STAT4: variants seen among roughly 807,000 people sequenced by gnomAD.
The protein encoded by STAT4 is signal transducer and activator of transcription 4.
A neutral mutation model predicts 110.5 loss-of-function variants in STAT4; 42 were observed. That is an observed-to-expected ratio of 0.38 (90% CI 0.30 to 0.49). STAT4 has a LOEUF of 0.49. Among genes scored for constraint, STAT4 ranks in the 20% least tolerant of loss-of-function variants. The pLI is 0.95. For missense variants in STAT4, 632 were observed against 887.9 expected, an observed-to-expected ratio of 0.71 and a Z score of 3.66; for synonymous variants, 284 against 302.2, an observed-to-expected ratio of 0.94 and a Z score of 0.63.
At chr2:191,120,906 C>A (rs551744736) in intron 3 of STAT4, among the ~76,000 whole-genome samples, 5 of 152,190 alleles carry the variant, frequency 3.3e-5, no homozygotes, top group African/African-American at 4.8e-5. Context: ...GCAACAAAAG[C>A]CAAAATTGAC....
chr2:191,105,707 T>C (rs1385253001), intron 3 of STAT4, among the ~76,000 whole-genome samples: 2 of 152,228 alleles, frequency 1.3e-5, no homozygotes, highest in East Asian at 3.8e-4. Context: ...TATTCCGTAG[T>C]TTTCACTTAA....
chr2:191,055,554 C>T (rs566137200), intron 13 of STAT4, among the ~76,000 whole-genome samples: 3 of 150,160 alleles, frequency 2.0e-5, no homozygotes, highest in South Asian at 4.2e-4. Context: ...GGGATTTCAC[C>T]GTGTTAGCCA....
At chr2:191,078,233 T>C (rs1368523066) in intron 3 of STAT4, among the ~76,000 whole-genome samples, 1 of 152,148 alleles carries the variant, frequency 6.6e-6, no homozygotes, top group Admixed American at 6.6e-5. Context: ...TTACCATTAT[T>C]TGCCTGTTTT....
intron 3 of STAT4, among the ~76,000 whole-genome samples, chr2:191,081,167 G>A (rs936937108): frequency 1.3e-5 from 2 of 152,168 alleles, no homozygotes; most frequent in East Asian, 3.9e-4. Flanking sequence ...CAAAGGACAT[G>A]AACTCATCCT....
rs11890877 is a variant in STAT4, at chr2:191,110,057, G to C, written c.274-33732C>G. Among the ~76,000 whole-genome samples the C allele has an allele frequency of 4.6e-3, 698 of 152,200 alleles. 6 individuals carry two copies. The highest frequency in any genetic ancestry group is 0.016 in the African/African-American group (645 of 41,516). ...AATATGAGTTGTCACCTCCCACCTA[G>C]GATCCAACCACTGCACCTTCCACAG... On this transcript the variant is annotated intron_variant, in intron 3 of 23. Coordinates refer to ENST00000392320, the MANE Select transcript of STAT4 (RefSeq NM_003151.4). The surrounding 1 kb of genome is among the most constrained non-coding windows in gnomAD (Gnocchi z 4.5).
intron 3 of STAT4, among the ~76,000 whole-genome samples, chr2:191,078,045 C>T (rs1020927835): frequency 6.6e-6 from 1 of 151,814 alleles, no homozygotes; most frequent in Non-Finnish European, 1.5e-5. Flanking sequence ...TTCAACTCTC[C>T]AAGAAAAGCT....
intron 3 of STAT4, among the ~76,000 whole-genome samples, chr2:191,101,672 G>C (rs1348475664): frequency 6.6e-6 from 1 of 152,044 alleles, no homozygotes; most frequent in Non-Finnish European, 1.5e-5. Context: ...ATGTGTTAAA[G>C]TGTCCTACTA....
chr2:191,084,463 C>T (rs143765027), intron 3 of STAT4, among the ~76,000 whole-genome samples: 678 of 151,724 alleles, frequency 4.5e-3, no homozygotes, highest in Non-Finnish European at 7.8e-3. Context: ...ATTGACATTA[C>T]AATTAATACA....
chr2:191,033,350 A>G lies in STAT4; in HGVS notation c.1852+140T>C, dbSNP rs1574692298. The G allele has an allele frequency of 8.5e-7, 1 of 1,179,720 alleles. No homozygotes were observed. 73.1% of individuals were successfully genotyped at this position (1,179,720 alleles called of 1,614,324 possible). A position where few individuals can be genotyped will look rare whatever the true frequency, so the allele number is the denominator to read the frequency against. ...GAATTCATAGGTACCCTGTTCTGAG[A>G]CAACTGCAACTACTAATATTCAAGC... On this transcript the variant is annotated intron_variant, in intron 20 of 23. Coordinates refer to ENST00000392320, the MANE Select transcript of STAT4 (RefSeq NM_003151.4). This position sits in a 1 kb window ranked among gnomAD's most constrained non-coding sequence, Gnocchi z 6.9.
In STAT4 at chr2:191,107,574, C is replaced by A. The variant is rs1698315444; in HGVS notation, c.274-31249G>T. ...TAATAAATCTGAGGCAGGGTTTTAA[C>A]CCCAGGTATCTGATCTGCAGACCCA... is the stretch of plus-strand genomic sequence containing the variant. On this transcript the variant is annotated intron_variant, in intron 3 of 23. Coordinates refer to ENST00000392320, the MANE Select transcript of STAT4 (RefSeq NM_003151.4). This position sits in a 1 kb window ranked among gnomAD's most constrained non-coding sequence, Gnocchi z 4.2. 1.3e-5 allele frequency among the ~76,000 whole-genome samples: 2 copies of A among 152,176 alleles called. No individual in the cohort carries two copies. The highest frequency in any genetic ancestry group is 4.1e-4 in the South Asian group (2 of 4,828).
intron 3 of STAT4, among the ~76,000 whole-genome samples, chr2:191,093,752 C>T (rs1351885209): frequency 6.6e-6 from 1 of 152,142 alleles, no homozygotes; most frequent in South Asian, 2.1e-4. Context: ...GACGAGCTGA[C>T]AGAAGTAGGC....
Position 191,051,642 on chromosome 2 carries a change from G to A in STAT4, c.1251+2848C>T, listed in dbSNP as rs1314857433. Among the ~76,000 whole-genome samples the A allele has an allele frequency of 6.6e-6, 1 of 152,196 alleles. No homozygotes were observed. The highest frequency in any genetic ancestry group is 2.1e-4 in the South Asian group (1 of 4,832). ...TATGGTGTGAGACAGACATGATTTC[G>A]GAGCAGGTGGGTGAGGTGCAGACAC... is the stretch of plus-strand genomic sequence containing the variant. On this transcript the variant is annotated intron_variant, in intron 14 of 23. Transcript: ENST00000392320. The surrounding 1 kb of genome is among the most constrained non-coding windows in gnomAD (Gnocchi z 5.6).
At position 191,082,354 on chromosome 2, in the gene STAT4, T is replaced by G. The variant is rs1249523648; in HGVS notation, c.274-6029A>C. 1.3e-5 allele frequency among the ~76,000 whole-genome samples: 2 copies of G among 152,206 alleles called. No homozygotes were observed. Among genetic ancestry groups the G allele is most frequent in the Non-Finnish European group, 2.9e-5 (2 of 68,024 alleles). ...ATAACTATTTGTTTGAATCCTAAAT[T>G]ATAGTGTTATATTTTGATGACATTT... is the stretch of plus-strand genomic sequence containing the variant. On this transcript the variant is annotated intron_variant, in intron 3 of 23. Coordinates refer to ENST00000392320, the MANE Select transcript of STAT4 (RefSeq NM_003151.4). The surrounding 1 kb of genome is among the most constrained non-coding windows in gnomAD (Gnocchi z 4.7).
At chr2:191,063,169 A>G (rs1696896638) in intron 8 of STAT4, among the ~76,000 whole-genome samples, 1 of 152,154 alleles carries the variant, frequency 6.6e-6, no homozygotes, top group African/African-American at 2.4e-5. Flanking sequence ...TATATATGTC[A>G]TCATTTATGA....
intron 3 of STAT4, among the ~76,000 whole-genome samples, chr2:191,094,248 G>A (rs556903979): frequency 6.6e-6 from 1 of 152,294 alleles, no homozygotes; most frequent in South Asian, 2.1e-4. Flanking sequence ...ACGCCACAAA[G>A]ATACTCCTTG....
intron 3 of STAT4, among the ~76,000 whole-genome samples, chr2:191,137,772 A>G (rs1342263916): frequency 2.6e-5 from 4 of 152,312 alleles, no homozygotes; most frequent in African/African-American, 9.6e-5. Context: ...TCGGGCAAAA[A>G]CATCCTCTTC....
At chr2:191,123,420 C>T (rs1462190085) in intron 3 of STAT4, among the ~76,000 whole-genome samples, 1 of 152,142 alleles carries the variant, frequency 6.6e-6, no homozygotes, top group Non-Finnish European at 1.5e-5. Context: ...TGTCTCCCTC[C>T]TTCTGCTAAA....
At chr2:191,038,003 A>T (rs1696088225) in intron 16 of STAT4, among the ~76,000 whole-genome samples, 1 of 152,168 alleles carries the variant, frequency 6.6e-6, no homozygotes, top group African/African-American at 2.4e-5. Context: ...GAGCCATGTA[A>T]ATTTGGGATG....
rs1696077398 is a variant in STAT4 at position 191,037,534 on chromosome 2, C to T, written c.1435-1235G>A. 6.6e-6 allele frequency among the ~76,000 whole-genome samples: 1 copy of T among 152,144 alleles called. No individual in the cohort carries two copies. The highest frequency in any genetic ancestry group is 2.4e-5 in the African/African-American group (1 of 41,430). Reference sequence around the variant, plus strand: ...GTCAACAATAGTGAAACATAAGACTCTGTCCCAGATTACTGGAAAACAGAT... The same window carrying T: ...GTCAACAATAGTGAAACATAAGACTTTGTCCCAGATTACTGGAAAACAGAT... On this transcript the variant is annotated intron_variant, in intron 16 of 23. Transcript: ENST00000392320. The surrounding 1 kb of genome is among the most constrained non-coding windows in gnomAD (Gnocchi z 4.8).
Sources: gnomAD v4.1 joint callset for allele counts (sites outside exome capture counted in the v4.1 genomes callset) on GRCh38, gnomAD v4.1.1 for gene constraint, Gnocchi (gnomAD v3.1) non-coding constraint, MANE v1.5 for transcripts, NCBI Gene and HGNC (gene_info 2026-07-23, HGNC 2026-07-21) for gene names.